Variants in PHF3 observed in about 807,000 individuals in gnomAD.
PHF3 encodes PHD finger protein 3.
PHF3 carries 41 observed loss-of-function variants against 178.4 expected under a neutral mutation model. That is an observed-to-expected ratio of 0.23 (90% CI 0.18 to 0.30). The LOEUF (loss-of-function observed/expected upper bound fraction) is 0.30, where lower values mean the gene tolerates loss of function less well. Ranked by LOEUF, PHF3 falls within the 10% of genes least tolerant of loss-of-function variation. PHF3 has a pLI of 1.00. For missense variants in PHF3, 2,346 were observed against 2,398.1 expected, an observed-to-expected ratio of 0.98 and a Z score of 0.45; for synonymous variants, 842 against 800.5, an observed-to-expected ratio of 1.05 and a Z score of -0.88.
chr6:63,674,260 T>A (rs1054442432), intron 2 of PHF3, among the ~76,000 whole-genome samples: 3 of 2,670 alleles, frequency 1.1e-3, no homozygotes, highest in African/African-American at 2.0e-3. Flanking sequence ...AGACATTTGA[T>A]GATATCTAAG....
intron 2 of PHF3, among the ~76,000 whole-genome samples, chr6:63,653,463 T>C (rs1765106732): frequency 6.6e-6 from 1 of 152,136 alleles, no homozygotes; most frequent in African/African-American, 2.4e-5. Context: ...GTGAGTAGGA[T>C]TGCTTTCTTG....
chr6:63,651,109 T>C (rs1007783632), intron 2 of PHF3, among the ~76,000 whole-genome samples: 40 of 152,216 alleles, frequency 2.6e-4, no homozygotes, highest in African/African-American at 9.6e-4. Context: ...TTTAAAAAAT[T>C]GTTTTTGACA....
At position 63,722,727 on chromosome 6, in the gene PHF3, T is replaced by A. The variant is rs142569381; in HGVS notation, c.*9019T>A. On this transcript the variant is annotated 3_prime_UTR_variant, in exon 16 of 16. Coordinates refer to ENST00000262043, the MANE Select transcript of PHF3 (RefSeq NM_001370348.2). The stretch of plus-strand genomic sequence containing the variant: ...ATATTCGGCATTATGCTACACTACT[T>A]CTTCCTCCCTCCAGAGTGCCTATTT... Among the ~76,000 whole-genome samples the A allele has an allele frequency of 5.4e-4, 83 of 152,304 alleles. No individual in the cohort carries two copies. In the East Asian group the frequency reaches 0.013, roughly 24 times the overall value.
chr6:63,673,077 T>A (rs1765989039), intron 2 of PHF3, among the ~76,000 whole-genome samples: 1 of 152,084 alleles, frequency 6.6e-6, no homozygotes. Flanking sequence ...AAGTTTTTCC[T>A]TCAACACTGT....
Position 63,711,832 on chromosome 6 carries a change from A to C in PHF3, c.4244A>C (p.Gln1415Pro). The C allele has an allele frequency of 6.2e-7, 1 of 1,614,064 alleles. No individual in the cohort carries two copies. Among genetic ancestry groups the C allele is most frequent in the Non-Finnish European group, 8.5e-7 (1 of 1,179,922 alleles). The part of the protein sequence containing the change: ...VLHKQRNKPQ[Q>P]NLQEDLPTAV... ...CACAAGCAGAGAAATAAACCTCAGC[A>C]GAATCTTCAGGAAGACCTTCCAACA... Residue 1415 changes from glutamine to proline, a missense_variant, in exon 16 of 16, where the codon CAG (glutamine) becomes CCG (proline). This residue lies in a region of PHF3 where 839 missense variants were observed against 806.9 expected (regional missense o/e 1.04). Transcript: ENST00000262043.
Position 63,720,051 on chromosome 6 carries a change from T to C in PHF3, c.*6343T>C, listed in dbSNP as rs574001545. The C allele has an allele frequency of 1.3e-5, 2 of 152,904 alleles. No individual in the cohort carries two copies. Among genetic ancestry groups the C allele is most frequent in the East Asian group, 1.9e-4 (1 of 5,202 alleles). 9.5% of individuals were successfully genotyped at this position (152,904 alleles called of 1,614,324 possible). A position where few individuals can be genotyped will look rare whatever the true frequency, so the allele number is the denominator to read the frequency against. On this transcript the variant is annotated 3_prime_UTR_variant, in exon 16 of 16. Transcript: ENST00000262043. Reference sequence around the variant, plus strand: ...ACCTTCTCTTTCTACATTCATGCAATAATTTTTGGTTTAAATCTATGTTCA... The same window carrying C: ...ACCTTCTCTTTCTACATTCATGCAACAATTTTTGGTTTAAATCTATGTTCA...
chr6:63,691,272 G>A (rs2149591118), intron 4 of PHF3, among the ~76,000 whole-genome samples: 1 of 152,136 alleles, frequency 6.6e-6, no homozygotes, highest in Non-Finnish European at 1.5e-5. Flanking sequence ...AAAACGATTT[G>A]TTGGATAAAC....
At chr6:63,693,120 C>A (rs1250514232) in intron 5 of PHF3, among the ~76,000 whole-genome samples, 2 of 152,134 alleles carry the variant, frequency 1.3e-5, no homozygotes, top group South Asian at 4.1e-4. Flanking sequence ...TTGATTTGAT[C>A]ATCAAAGTAA....
At position 63,706,139 on chromosome 6, in the gene PHF3, T is replaced by G. The variant is rs1179300182; in HGVS notation, c.3478T>G (p.Ser1160Ala). ...AGCAGAAAGTATAGCAGATGCATTA[T>G]CTTCAACCTCAAATATTTTGGCTTC... ...NEAESIADAL[S>A]STSNILASEF... is the part of the protein sequence containing the mutation. Residue 1160 changes from serine to alanine, a missense_variant, in exon 12 of 16, where the codon TCT becomes GCT. Physicochemically the swap from Ser to Ala is moderately conservative, Grantham distance 99. This residue lies in a region of PHF3 where 205 missense variants were observed against 212.4 expected (regional missense o/e 0.97). Coordinates refer to ENST00000262043, the MANE Select transcript of PHF3 (RefSeq NM_001370348.2). 6.2e-7 allele frequency: 1 copy of G among 1,613,924 alleles called. No homozygotes were observed. The highest frequency in any genetic ancestry group is 1.3e-5 in the African/African-American group (1 of 74,936).
chr6:63,637,128 TATTTA>T, intron 1 of PHF3, among the ~76,000 whole-genome samples: 1 of 152,366 alleles, frequency 6.6e-6, no homozygotes, highest in Middle Eastern at 3.4e-3. Flanking sequence ...CATGTAGCGA[TATTTA>T]ATTTAAAAAG....
chr6:63,697,872 A>AT (rs754860736), intron 6 of PHF3, among the ~76,000 whole-genome samples: 53 of 152,206 alleles, frequency 3.5e-4, no homozygotes, highest in Non-Finnish European at 6.3e-4. Context: ...TAACATTCAA[A>AT]TTAGTAAAAC....
At chr6:63,654,908 T>TTC (rs1339891124) in intron 2 of PHF3, among the ~76,000 whole-genome samples, 1 of 150,248 alleles carries the variant, frequency 6.7e-6, no homozygotes, top group African/African-American at 2.5e-5. Flanking sequence ...TTTTTTTTTT[T>TTC]TCGAGATGGG....
chr6:63,699,538 C>T (rs542958238), intron 8 of PHF3, among the ~76,000 whole-genome samples: 1 of 152,162 alleles, frequency 6.6e-6, no homozygotes, highest in African/African-American at 2.4e-5. Context: ...TCTGGAATTA[C>T]ATAATCTGGA....
rs1035375311 is a variant in PHF3 at position 63,718,197 on chromosome 6, T to A, written c.*4489T>A. On this transcript the variant is annotated 3_prime_UTR_variant, in exon 16 of 16. Coordinates refer to ENST00000262043, the MANE Select transcript of PHF3 (RefSeq NM_001370348.2). Reference sequence around the variant, plus strand: ...TTGTCTGCCTATTCTGCAAGCACAATTTTCTGCGTTTGGAATTCAATGATG... The same window carrying A: ...TTGTCTGCCTATTCTGCAAGCACAAATTTCTGCGTTTGGAATTCAATGATG... Among the ~76,000 whole-genome samples, 11 of 152,050 alleles carry A rather than the reference T, an allele frequency of 7.2e-5. No individual in the cohort carries two copies. Among genetic ancestry groups the A allele is most frequent in the Admixed American group, 3.3e-4 (5 of 15,232 alleles).
Position 63,706,789 on chromosome 6 carries a change from C to G in PHF3, c.3624C>G (p.Ile1208Met), listed in dbSNP as rs765298043. Residue 1208 changes from isoleucine to methionine, a missense_variant, in exon 13 of 16, where the codon ATC (isoleucine) becomes ATG (methionine). By Grantham distance (10) the Ile-to-Met change is conservative (BLOSUM62 1). Around this residue, in one of 8 missense-constraint regions of PHF3, gnomAD observed 205 missense variants for 212.4 expected, o/e 0.97. Transcript: ENST00000262043. Reference sequence around the variant, plus strand: ...CCTTTCTGGCTCGATTGAACTTCATCTGGAAAGGTTTTATCAACATGCCTT... The same window carrying G: ...CCTTTCTGGCTCGATTGAACTTCATGTGGAAAGGTTTTATCAACATGCCTT... The part of the protein sequence containing the change: ...ESTFLARLNF[I>M]WKGFINMPSV... 1.2e-6 allele frequency: 2 copies of G among 1,613,938 alleles called. No individual in the cohort carries two copies. Among genetic ancestry groups the G allele is most frequent in the Admixed American group, 3.3e-5 (2 of 60,012 alleles).
At chr6:63,711,431 T>G in intron 15 of PHF3, 69 bp downstream of exon 15, 1 of 1,395,664 alleles carries the variant, frequency 7.2e-7, no homozygotes, top group Non-Finnish European at 9.8e-7. Context: ...GTGAAAAGAC[T>G]GATTCTGCCT....
rs1386425374 is a variant in PHF3 at position 63,719,884 on chromosome 6, C to T, written c.*6176C>T. ...TCTCCAGAGGCAACCATTTTTAATTCTTTTAGATATTTAGGATATTTGCCT... is the reference window on the plus strand; with the variant it reads ...TCTCCAGAGGCAACCATTTTTAATTTTTTTAGATATTTAGGATATTTGCCT... On this transcript the variant is annotated 3_prime_UTR_variant, in exon 16 of 16. Coordinates refer to ENST00000262043, the MANE Select transcript of PHF3 (RefSeq NM_001370348.2). 1.3e-5 allele frequency: 2 copies of T among 151,968 alleles called. No individual in the cohort carries two copies. The highest frequency in any genetic ancestry group is 2.4e-5 in the African/African-American group (1 of 41,400). 9.4% of individuals were successfully genotyped at this position (151,968 alleles called of 1,614,324 possible).
rs757812520 is a variant in PHF3 at position 63,680,087 on chromosome 6, A to G, written c.332A>G (p.Asn111Ser). The change falls in exon 3 of 16, where the codon AAC (asparagine) becomes AGC (serine). Residue 111 changes from asparagine to serine, a missense_variant. Asn to Ser is a conservative substitution (Grantham distance 46). Coordinates refer to ENST00000262043, the MANE Select transcript of PHF3 (RefSeq NM_001370348.2). Reference sequence around the variant, plus strand: ...GATGAAGAAGAACTGATTTTACCTAACAGGAACTTAAGGGACAAGGTAGAA... The same window carrying G: ...GATGAAGAAGAACTGATTTTACCTAGCAGGAACTTAAGGGACAAGGTAGAA... ...TIDEEELILP[N>S]RNLRDKVEEN... 6.2e-7 allele frequency: 1 copy of G among 1,612,890 alleles called. No individual in the cohort carries two copies. Among genetic ancestry groups the G allele is most frequent in the Non-Finnish European group, 8.5e-7 (1 of 1,179,320 alleles).
intron 2 of PHF3, among the ~76,000 whole-genome samples, chr6:63,668,498 A>AATTTATT (rs1765771994): frequency 6.6e-6 from 1 of 151,704 alleles, no homozygotes; most frequent in Non-Finnish European, 1.5e-5. Flanking sequence ...CATACCTGCT[A>AATTTATT]ATTTATTTTT....
Sources: gnomAD v4.1 joint callset for allele counts (sites outside exome capture counted in the v4.1 genomes callset) on GRCh38, gnomAD v4.1.1 for gene constraint, gnomAD v4.1.1 regional missense constraint, MANE v1.5 for transcripts, NCBI Gene and HGNC (gene_info 2026-07-23, HGNC 2026-07-21) for gene names.